The following ARFIP1 variants were observed in gnomAD, a reference collection of about 807,000 sequenced individuals.
ARFIP1 encodes arfaptin-1.
Under a neutral mutation model 42.5 loss-of-function variants are expected in ARFIP1, and 24 were observed. The observed-to-expected ratio is 0.57, with a 90% CI of 0.41 to 0.80. The LOEUF is 0.80. ARFIP1 is among the 30% of genes least tolerant of loss of function. ARFIP1 has a pLI of 0.00. For missense variants in ARFIP1, 354 were observed against 434.0 expected (o/e 0.82, Z 1.64); for synonymous variants, 141 against 153.7 (o/e 0.92, Z 0.61).
At chr4:152,856,939 A>C (rs1436693736) in intron 2 of ARFIP1, among the ~76,000 whole-genome samples, 1 of 152,244 alleles carries the variant, frequency 6.6e-6, no homozygotes, top group East Asian at 1.9e-4. Flanking sequence ...AGATTCTAGT[A>C]ATATAAATAT....
intron 1 of ARFIP1, among the ~76,000 whole-genome samples, chr4:152,789,534 C>G (rs1200061339): frequency 6.6e-6 from 1 of 152,178 alleles, no homozygotes; most frequent in African/African-American, 2.4e-5. Context: ...AAGAAAGTCT[C>G]TCTGTGAAGC....
At chr4:152,886,421 C>G (rs1412040985) in intron 7 of ARFIP1, among the ~76,000 whole-genome samples, 2 of 151,988 alleles carry the variant, frequency 1.3e-5, no homozygotes, top group Non-Finnish European at 2.9e-5. Context: ...CATGTTCCAG[C>G]TTCAGATTCT....
At chr4:152,806,084 G>A (rs1395334726) in intron 1 of ARFIP1, among the ~76,000 whole-genome samples, 1 of 152,194 alleles carries the variant, frequency 6.6e-6, no homozygotes, top group East Asian at 1.9e-4. Context: ...GATCTAAAAT[G>A]AGGAACAGAA....
chr4:152,804,475 TAA>T (rs1491193153), intron 1 of ARFIP1, among the ~76,000 whole-genome samples: 18 of 108,406 alleles, frequency 1.7e-4, no homozygotes, highest in Admixed American at 8.6e-4. Flanking sequence ...ATAATATATA[TAA>T]TATATATTAT....
intron 1 of ARFIP1, among the ~76,000 whole-genome samples, chr4:152,787,801 T>C (rs1730898361): frequency 1.3e-5 from 2 of 152,256 alleles, no homozygotes; most frequent in African/African-American, 4.8e-5. Context: ...TACCTCATTA[T>C]GCATATGGAA....
rs553094528 is a variant in ARFIP1 at position 152,904,437 on chromosome 4, G to A, written c.967-5627G>A. 5.9e-5 allele frequency among the ~76,000 whole-genome samples: 9 copies of A among 151,932 alleles called. No individual in the cohort carries two copies. The South Asian group carries it at 1.5e-3, about 25-fold the overall frequency. On this transcript the variant is annotated intron_variant, in intron 8 of 8. Transcript: ENST00000353617. ...GAACTCCAGACCTCGTGATCTGCCC[G>A]CCTCGGCCTCCCAAAGTGCTGGGAT...
At chr4:152,861,212 T>C (rs546731147) in intron 2 of ARFIP1, among the ~76,000 whole-genome samples, 35 of 152,322 alleles carry the variant, frequency 2.3e-4, no homozygotes, top group African/African-American at 8.2e-4. Flanking sequence ...AATCGTAATA[T>C]AGTCCCAGAG....
At chr4:152,881,230 TA>T in intron 6 of ARFIP1, 46 bp downstream of exon 6, 2 of 1,403,324 alleles carry the variant, frequency 1.4e-6, no homozygotes, top group Non-Finnish European at 2.0e-6. Context: ...AAAATGATAA[TA>T]GAAGTATTCT....
intron 5 of ARFIP1, among the ~76,000 whole-genome samples, chr4:152,874,158 ATTC>A (rs1180514351): frequency 1.3e-5 from 2 of 152,120 alleles, no homozygotes; most frequent in Non-Finnish European, 2.9e-5. Flanking sequence ...ATTATCTGCT[ATTC>A]TTGCATCTCT....
rs1461931651 is a variant in ARFIP1, at chr4:152,911,126, A to G, written c.*907A>G. ...ACCGTTTAAGCCTTAAATCACAGAT[A>G]TGTGCCTTCTCAGATACAGTAATTC... On this transcript the variant is annotated 3_prime_UTR_variant, in exon 9 of 9. Coordinates refer to ENST00000353617, the MANE Select transcript of ARFIP1 (RefSeq NM_001025595.3). 1 of 152,654 alleles carries G rather than the reference A, an allele frequency of 6.6e-6. No homozygotes were observed. The highest frequency in any genetic ancestry group is 2.4e-5 in the African/African-American group (1 of 41,460). 9.5% of individuals were successfully genotyped at this position (152,654 alleles called of 1,614,324 possible).
chr4:152,867,489 AGAGAGG>A (rs948480334), intron 3 of ARFIP1, among the ~76,000 whole-genome samples: 1 of 152,080 alleles, frequency 6.6e-6, no homozygotes, highest in Non-Finnish European at 1.5e-5. Flanking sequence ...GACCGTGGAA[AGAGAGG>A]GAGAGGGAGA....
chr4:152,874,669 G>A (rs1735175674), intron 5 of ARFIP1, among the ~76,000 whole-genome samples: 1 of 152,078 alleles, frequency 6.6e-6, no homozygotes, highest in Non-Finnish European at 1.5e-5. Context: ...TTTACTGTTT[G>A]TTTGTTTGTT....
At chr4:152,872,617 A>G (rs1734986324) in intron 5 of ARFIP1, 53 bp downstream of exon 5, 2 of 1,027,788 alleles carry the variant, frequency 1.9e-6, no homozygotes, top group East Asian at 5.6e-5. Flanking sequence ...AAGTTCATTT[A>G]TATGTTTATT....
At position 152,853,905 on chromosome 4, in the gene ARFIP1, CTTTTTTTTTTTTTT is replaced by C. The variant is rs36055484; in HGVS notation, c.94-9691_94-9678del. 4.0e-5 allele frequency among the ~76,000 whole-genome samples: 3 copies of C among 74,740 alleles called. No homozygotes were observed. The East Asian group carries it at 1.3e-3, about 32-fold the overall frequency. The allele number at this position is 74,740 out of a possible 152,430, so 49.0% of individuals were successfully genotyped here. ...AGACCTGTCTTCAAGTTCTGAGATT[CTTTTTTTTTTTTTT>C]TTTTTTTTTGAGACTGAGTCTCACT... On this transcript the variant is annotated intron_variant, in intron 2 of 8. Coordinates refer to ENST00000353617, the MANE Select transcript of ARFIP1 (RefSeq NM_001025595.3).
At chr4:152,838,046 CT>C (rs2149853638) in intron 2 of ARFIP1, among the ~76,000 whole-genome samples, 1 of 152,216 alleles carries the variant, frequency 6.6e-6, no homozygotes, top group Non-Finnish European at 1.5e-5. Context: ...CCTTTCCCCA[CT>C]TTATGTTATT....
intron 8 of ARFIP1, among the ~76,000 whole-genome samples, chr4:152,900,349 A>G (rs372769624): frequency 6.6e-6 from 1 of 152,166 alleles, no homozygotes; most frequent in Admixed American, 6.5e-5. Context: ...ACTGGAGTCT[A>G]TAGGTAATGT....
intron 8 of ARFIP1, among the ~76,000 whole-genome samples, chr4:152,889,660 A>G (rs980054531): frequency 7.7e-6 from 1 of 130,560 alleles, no homozygotes; most frequent in Admixed American, 8.4e-5. Context: ...TATAGTATAT[A>G]TACACTAATA....
rs1734813670 is a variant in ARFIP1 at position 152,870,771 on chromosome 4, T to G, written c.221T>G (p.Leu74Arg). The change falls in exon 4 of 9, where the codon CTG (leucine) becomes CGG (arginine). Residue 74 changes from leucine to arginine, a missense_variant. By Grantham distance (102) the Leu-to-Arg change is moderately radical (BLOSUM62 -2). Transcript: ENST00000353617. Reference protein sequence around the residue: ...GAFQGSPAPPLPSVMSPSRVA... With the variant: ...GAFQGSPAPPRPSVMSPSRVA... ...TTTTCAGGTTCCCCAGCACCGCCAC[T>G]GCCATCTGTTATGTCTCCTAGCAGG... is the stretch of plus-strand genomic sequence containing the variant. 6.2e-7 allele frequency: 1 copy of G among 1,614,096 alleles called. No individual in the cohort carries two copies.
chr4:152,908,183 A>T (rs1738528107), intron 8 of ARFIP1, among the ~76,000 whole-genome samples: 1 of 151,948 alleles, frequency 6.6e-6, no homozygotes, highest in African/African-American at 2.4e-5. Flanking sequence ...CTCTTTTTTA[A>T]TTGGGCTGTT....
Sources: gnomAD v4.1 joint callset for allele counts (sites outside exome capture counted in the v4.1 genomes callset) on GRCh38, gnomAD v4.1.1 for gene constraint, MANE v1.5 for transcripts, NCBI Gene and HGNC (gene_info 2026-07-23, HGNC 2026-07-21) for gene names.